Variants in USP7 observed in about 807,000 individuals in gnomAD.
The protein encoded by USP7 is ubiquitin C-terminal hydrolase 7.
A neutral mutation model predicts 162.9 loss-of-function variants in USP7; 9 were observed. That is an observed-to-expected ratio of 0.06 (90% CI 0.03 to 0.10). The LOEUF (loss-of-function observed/expected upper bound fraction) is 0.10. USP7 is among the 10% of genes least tolerant of loss of function. The pLI, the probability that USP7 is intolerant of heterozygous loss-of-function variation, is 1.00. For synonymous variants in USP7, 562 were observed against 475.9 expected, an observed-to-expected ratio of 1.18 and a Z score of -2.35; for missense variants, 715 against 1,373.7, an observed-to-expected ratio of 0.52 and a Z score of 7.58.
chr16:8,954,713 AC>A (rs1899712420), intron 1 of USP7, among the ~76,000 whole-genome samples: 1 of 152,178 alleles, frequency 6.6e-6, no homozygotes, highest in African/African-American at 2.4e-5. Context: ...CGGTGGACTC[AC>A]ACCTGTAATC....
intron 2 of USP7, among the ~76,000 whole-genome samples, chr16:8,923,753 G>T (rs1340340027): frequency 6.6e-6 from 1 of 152,126 alleles, no homozygotes; most frequent in Non-Finnish European, 1.5e-5. Flanking sequence ...TGGAGAGAAG[G>T]AACGACATGG....
intron 1 of USP7, among the ~76,000 whole-genome samples, chr16:8,945,415 T>C (rs1899233265): frequency 6.6e-6 from 1 of 152,188 alleles, no homozygotes; most frequent in Non-Finnish European, 1.5e-5. Flanking sequence ...CTGGGAAGAC[T>C]AGTTGTCCAG....
intron 15 of USP7, among the ~76,000 whole-genome samples, chr16:8,904,216 GC>G (rs1305473136): frequency 1.5e-4 from 23 of 152,196 alleles, no homozygotes; most frequent in African/African-American, 5.3e-4. Context: ...GCTCAGGAGA[GC>G]ACGTGGAGCA....
At chr16:8,935,252 G>A (rs901538269) in intron 1 of USP7, among the ~76,000 whole-genome samples, 1 of 149,424 alleles carries the variant, frequency 6.7e-6, no homozygotes, top group African/African-American at 2.5e-5. Context: ...CCAGGCTGGA[G>A]TGCAATAGTG....
chr16:8,910,831 TAA>T lies in USP7; in HGVS notation c.1079-6_1079-5del, dbSNP rs2061934498. 1.2e-6 allele frequency: 2 copies of T among 1,612,754 alleles called. No individual in the cohort carries two copies. The highest frequency in any genetic ancestry group is 1.7e-6 in the Non-Finnish European group (2 of 1,179,246). On this transcript the variant is annotated splice_polypyrimidine_tract_variant and splice_region_variant and intron_variant, in intron 10 of 30. Coordinates refer to ENST00000344836, the MANE Select transcript of USP7 (RefSeq NM_003470.3). ...TAATCCACAAATGATTCAAATACTT[TAA>T]AGAGAGAGAGAGAAAAGTCAAGTGC... is the stretch of plus-strand genomic sequence containing the variant.
chr16:8,921,473 T>C (rs1897686503), intron 3 of USP7, among the ~76,000 whole-genome samples, 178 bp from the exon 4 acceptor site: 5 of 152,242 alleles, frequency 3.3e-5, no homozygotes, highest in Admixed American at 3.3e-4. Flanking sequence ...AAATGGGTGT[T>C]TGGGGCTCCC....
intron 26 of USP7, 33 bp from the exon 27 acceptor site, chr16:8,895,774 T>C: frequency 7.1e-7 from 1 of 1,412,058 alleles, no homozygotes; most frequent in Non-Finnish European, 9.9e-7. Flanking sequence ...TAGGGCAAAA[T>C]GAAGTATATA....
intron 5 of USP7, among the ~76,000 whole-genome samples, chr16:8,920,004 G>C (rs1368798415): frequency 6.6e-6 from 1 of 152,170 alleles, no homozygotes; most frequent in African/African-American, 2.4e-5. Context: ...CACACTCGGA[G>C]AGGACTTCCT....
chr16:8,912,117 A>C (rs2061956045), intron 10 of USP7, among the ~76,000 whole-genome samples: 1 of 152,240 alleles, frequency 6.6e-6, no homozygotes, highest in African/African-American at 2.4e-5. Context: ...CAGCAAGATA[A>C]AAACCACCAT....
intron 1 of USP7, among the ~76,000 whole-genome samples, chr16:8,942,624 T>C (rs1899100791): frequency 6.6e-6 from 1 of 152,208 alleles, no homozygotes; most frequent in South Asian, 2.1e-4. Context: ...CATGGCTCAC[T>C]GCAGCCATGA....
Position 8,915,351 on chromosome 16 carries a change from A to G in USP7, c.988-7T>C, listed in dbSNP as rs761695762. 15 of 1,613,364 alleles carry G rather than the reference A, an allele frequency of 9.3e-6. No individual in the cohort carries two copies. The highest frequency in any genetic ancestry group is 7.7e-5 in the South Asian group (7 of 90,914). On this transcript the variant is annotated splice_region_variant and splice_polypyrimidine_tract_variant and intron_variant, in intron 9 of 30. Coordinates refer to ENST00000344836, the MANE Select transcript of USP7 (RefSeq NM_003470.3). Reference sequence around the variant, plus strand: ...CTTTACACTGGATATAGGACTGCAAATAAGGAAAGTAAAAGTGGTTTAACT... The same window carrying G: ...CTTTACACTGGATATAGGACTGCAAGTAAGGAAAGTAAAAGTGGTTTAACT...
At chr16:8,950,734 G>A (rs1417918988) in intron 1 of USP7, among the ~76,000 whole-genome samples, 2 of 152,148 alleles carry the variant, frequency 1.3e-5, no homozygotes, top group Non-Finnish European at 2.9e-5. Flanking sequence ...TCACCCGCAG[G>A]GCCACATCCC....
intron 13 of USP7, 111 bp downstream of exon 13, chr16:8,906,315 A>G (rs960820108): frequency 8.4e-5 from 106 of 1,256,494 alleles, no homozygotes; most frequent in Non-Finnish European, 8.5e-5. Flanking sequence ...GAATACATAG[A>G]TCAGTTAGGG....
intron 10 of USP7, among the ~76,000 whole-genome samples, chr16:8,911,430 T>A (rs1394451343): frequency 6.6e-6 from 1 of 152,230 alleles, no homozygotes; most frequent in Non-Finnish European, 1.5e-5. Context: ...GCGAGCCACA[T>A]GCTGAGTGAC....
chr16:8,940,263 C>T (rs1004219818), intron 1 of USP7, among the ~76,000 whole-genome samples: 3 of 152,210 alleles, frequency 2.0e-5, no homozygotes, highest in Non-Finnish European at 4.4e-5. Context: ...ATATACACAT[C>T]TGGCCTCTGC....
chr16:8,931,398 A>C (rs1321989555), intron 1 of USP7, among the ~76,000 whole-genome samples: 2 of 152,108 alleles, frequency 1.3e-5, no homozygotes, highest in African/African-American at 4.8e-5. Flanking sequence ...ATGTCGGTCA[A>C]CTGGTCTCGA....
chr16:8,900,080 G>A (rs2061750004), intron 21 of USP7: 1 of 423,752 alleles, frequency 2.4e-6, no homozygotes, highest in Non-Finnish European at 4.2e-6. Flanking sequence ...AGACCTGACA[G>A]GTGGTGGAGC....
chr16:8,897,037 C>T lies in USP7; in HGVS notation c.2781G>A (p.Lys927=), dbSNP rs2061692362. The stretch of plus-strand genomic sequence containing the variant: ...ATGCTTTCTCCCCAAGCTCCACGGC[C>T]TTTTTACATTCTTCTAACAGGTCCC... ...CVRDLLEECK[K]AVELGEKASG... is the part of the protein sequence containing the mutation. Residue 927 remains lysine, a synonymous_variant, in exon 26 of 31, where the codon AAG becomes AAA. Coordinates refer to ENST00000344836, the MANE Select transcript of USP7 (RefSeq NM_003470.3). 1 of 1,614,044 alleles carries T rather than the reference C, an allele frequency of 6.2e-7. No homozygotes were observed.
At chr16:8,927,499 G>T (rs1165578857) in intron 2 of USP7, among the ~76,000 whole-genome samples, 3 of 152,078 alleles carry the variant, frequency 2.0e-5, no homozygotes, top group Non-Finnish European at 4.4e-5. Context: ...GTTTCATGGA[G>T]AACAACATTC....
Sources: allele counts gnomAD v4.1 joint callset (sites outside exome capture counted in the v4.1 genomes callset), GRCh38; gene constraint gnomAD v4.1.1; transcripts MANE v1.5; gene names NCBI Gene and HGNC (gene_info 2026-07-23, HGNC 2026-07-21).